The following ATRN variants were observed in gnomAD, a reference collection of about 807,000 sequenced individuals.
ATRN encodes attractin-2.
Under a neutral mutation model 178.7 loss-of-function variants are expected in ATRN, and 54 were observed. That is an observed-to-expected ratio of 0.30 (90% CI 0.24 to 0.38). The LOEUF (loss-of-function observed/expected upper bound fraction) is 0.38. Among genes scored for constraint, ATRN ranks in the 10% least tolerant of loss-of-function variants. The pLI is 1.00. For synonymous variants in ATRN, 636 were observed against 663.0 expected (o/e 0.96, Z 0.63); for missense variants, 1,443 against 1,815.1 (o/e 0.79, Z 3.73).
chr20:3,491,148 G>A lies in ATRN; in HGVS notation c.410+19631G>A. On this transcript the variant is annotated intron_variant, in intron 1 of 28. Coordinates refer to ENST00000262919, the MANE Select transcript of ATRN (RefSeq NM_139321.3). ...ATCTGCAGATTATTAGCTCTCTGGG[G>A]GAAAAAAATCAAAAAAAACCCTTCT... 7.7e-6 allele frequency: 4 copies of A among 516,624 alleles called. No individual in the cohort carries two copies. In the South Asian group the frequency reaches 7.9e-5, roughly 10 times the overall value. The allele number at this position is 516,624 out of a possible 1,614,324, so 32.0% of individuals were successfully genotyped here.
chr20:3,551,514 T>C (rs1360481595), intron 6 of ATRN, among the ~76,000 whole-genome samples: 28 of 152,122 alleles, frequency 1.8e-4, no homozygotes, highest in Non-Finnish European at 2.9e-5. Context: ...GTAAATCACT[T>C]GTACAGGAAT....
chr20:3,521,206 A>G (rs904157456), intron 1 of ATRN, among the ~76,000 whole-genome samples: 3 of 152,174 alleles, frequency 2.0e-5, no homozygotes, highest in African/African-American at 7.2e-5. Context: ...ACATTTTGGA[A>G]TGAATGAAGG....
chr20:3,520,758 A>G (rs1051696292), intron 1 of ATRN, among the ~76,000 whole-genome samples: 1 of 152,172 alleles, frequency 6.6e-6, no homozygotes, highest in African/African-American at 2.4e-5. Flanking sequence ...CAGCCTCCCA[A>G]AGTGCTGCGA....
chr20:3,642,044 TC>T (rs1321353646), intron 27 of ATRN, among the ~76,000 whole-genome samples: 1 of 152,248 alleles, frequency 6.6e-6, no homozygotes, highest in Admixed American at 6.5e-5. Flanking sequence ...AGTTAGTTGC[TC>T]CTTAAAACAT....
chr20:3,511,195 G>C (rs971948323), intron 1 of ATRN, among the ~76,000 whole-genome samples: 2 of 151,988 alleles, frequency 1.3e-5, no homozygotes, highest in African/African-American at 4.8e-5. Context: ...AGTAGAAAAA[G>C]CACTGTACAA....
At chr20:3,605,956 T>C (rs1435095055) in intron 24 of ATRN, among the ~76,000 whole-genome samples, 1 of 152,208 alleles carries the variant, frequency 6.6e-6, no homozygotes, top group Non-Finnish European at 1.5e-5. Flanking sequence ...TAGGATGCCT[T>C]GGGACTGTGA....
intron 1 of ATRN, among the ~76,000 whole-genome samples, chr20:3,498,319 C>G (rs924957751): frequency 9.2e-5 from 14 of 152,308 alleles, no homozygotes; most frequent in African/African-American, 3.4e-4. Context: ...GGAATCCTCT[C>G]TAACTCATTT....
At chr20:3,499,666 C>T (rs1005157078) in intron 1 of ATRN, among the ~76,000 whole-genome samples, 10 of 146,430 alleles carry the variant, frequency 6.8e-5, no homozygotes. Context: ...TTCCTTACAC[C>T]TTATACAAAA....
intron 25 of ATRN, among the ~76,000 whole-genome samples, chr20:3,629,546 G>A (rs552597655): frequency 6.6e-6 from 1 of 152,278 alleles, no homozygotes; most frequent in Middle Eastern, 3.4e-3. Context: ...TCACAGTTCA[G>A]TTCCATTCAG....
chr20:3,609,714 ATGTGTGTGTGTGTGTGTG>A (rs34028518), intron 24 of ATRN, among the ~76,000 whole-genome samples: 7 of 146,224 alleles, frequency 4.8e-5, no homozygotes, highest in African/African-American at 1.5e-4. Flanking sequence ...GTATGTATGT[ATGTGTGTGTGTGTGTGTG>A]TGTGTGTGTG....
intron 2 of ATRN, among the ~76,000 whole-genome samples, chr20:3,537,404 A>G (rs2085550885): frequency 6.6e-6 from 1 of 152,164 alleles, no homozygotes; most frequent in South Asian, 2.1e-4. Context: ...TCAGCTAGCA[A>G]CTTAAACAGT....
At chr20:3,610,565 G>T (rs1034331960) in intron 24 of ATRN, among the ~76,000 whole-genome samples, 1 of 123,872 alleles carries the variant, frequency 8.1e-6, no homozygotes, top group Non-Finnish European at 1.7e-5. Context: ...AGTTCCAGCT[G>T]AATTTTTTTT....
intron 1 of ATRN, among the ~76,000 whole-genome samples, chr20:3,527,199 C>A (rs2085377465): frequency 6.6e-6 from 1 of 152,000 alleles, no homozygotes; most frequent in Non-Finnish European, 1.5e-5. Flanking sequence ...AGGACTAATA[C>A]CCAGAATCTA....
Position 3,489,714 on chromosome 20 carries a change from G to A in ATRN, c.410+18197G>A, listed in dbSNP as rs1385327100. On this transcript the variant is annotated intron_variant, in intron 1 of 28. Transcript: ENST00000262919. Reference sequence around the variant, plus strand: ...CACATTAGCAAAGTGAGCAGTGTTTGGGATGCCCAAACACCTCATGCCATG... The same window carrying A: ...CACATTAGCAAAGTGAGCAGTGTTTAGGATGCCCAAACACCTCATGCCATG... 1.8e-5 allele frequency: 29 copies of A among 1,578,836 alleles called. No homozygotes were observed. The Admixed American group carries it at 4.8e-4, about 26-fold the overall frequency.
chr20:3,602,963 CAAAAAAAAAAAAAAAAAAAAAAAAA>C, intron 23 of ATRN, among the ~76,000 whole-genome samples: 1 of 40,878 alleles, frequency 2.4e-5, no homozygotes, highest in South Asian at 7.2e-4. Flanking sequence ...AATTCCATCT[CAAAAAAAAAAAAAAAAAAAAAAAAA>C]AAAAAAAGAT....
intron 3 of ATRN, among the ~76,000 whole-genome samples, chr20:3,541,055 C>G (rs1434138813): frequency 6.9e-6 from 1 of 145,604 alleles, no homozygotes; most frequent in East Asian, 2.0e-4. Flanking sequence ...CTCTAGTTTT[C>G]TTCCTTTTAC....
intron 1 of ATRN, among the ~76,000 whole-genome samples, chr20:3,516,373 G>A (rs921724800): frequency 1.3e-5 from 2 of 152,060 alleles, no homozygotes; most frequent in Admixed American, 1.3e-4. Flanking sequence ...GTTGCCATAC[G>A]TATAACTGCA....
At position 3,604,137 on chromosome 20, in the gene ATRN, G is replaced by A. The variant is rs12329487; in HGVS notation, c.3676G>A (p.Val1226Ile). The A allele has an allele frequency of 1.5e-3, 2,384 of 1,598,338 alleles. 45 individuals carry two copies. In the African/African-American group the frequency reaches 0.029, roughly 19 times the overall value. Residue 1226 changes from valine (V) to isoleucine (I), a missense_variant, in exon 24 of 29, where the codon GTT becomes ATT. Physicochemically the swap from Val to Ile is conservative, Grantham distance 29 (BLOSUM62 3). Coordinates refer to ENST00000262919, the MANE Select transcript of ATRN (RefSeq NM_139321.3). Reference sequence around the variant, plus strand: ...CCAGGCTGGAGAAGAGATGCCTGTTGTTTCAAAAACCAACATTAAGGAGTA... The same window carrying A: ...CCAGGCTGGAGAAGAGATGCCTGTTATTTCAAAAACCAACATTAAGGAGTA... The part of the protein sequence containing the change: ...GTQAGEEMPV[V>I]SKTNIKEYKD...
intron 3 of ATRN, 56 bp downstream of exon 3, chr20:3,540,391 T>A: frequency 8.9e-7 from 1 of 1,124,690 alleles, no homozygotes; most frequent in Non-Finnish European, 1.3e-6. Context: ...TTTAAACATA[T>A]CTTCTGGATT....
Sources: allele counts gnomAD v4.1 joint callset (sites outside exome capture counted in the v4.1 genomes callset), GRCh38; gene constraint gnomAD v4.1.1; transcripts MANE v1.5; gene names NCBI Gene and HGNC (gene_info 2026-07-23, HGNC 2026-07-21).